Variants in EDA observed in about 807,000 individuals in gnomAD.
The protein encoded by EDA is ectodysplasin-A.
A neutral mutation model predicts 23.6 loss-of-function variants in EDA; 2 were observed. The observed-to-expected ratio is 0.08, with a 90% CI of 0.03 to 0.27. The LOEUF is 0.27. EDA is among the 10% of genes least tolerant of loss of function. The pLI is 1.00. For missense variants in EDA, 229 were observed against 324.2 expected (o/e 0.71, Z 2.26); for synonymous variants, 131 against 132.0 (o/e 0.99, Z 0.05).
Position 69,815,235 on chromosome X carries a change from C to T in EDA, c.397-141792C>T, listed in dbSNP as rs751204194. Among the ~76,000 whole-genome samples the T allele has an allele frequency of 5.9e-4, 66 of 112,103 alleles. 1 individual carries two copies. Among genetic ancestry groups the T allele is most frequent in the Non-Finnish European group, 1.1e-3 (57 of 53,153 alleles). The stretch of plus-strand genomic sequence containing the variant: ...TCCAGCCTGCCGGCTTTGGAGAGTC[C>T]AGATGTTCCAGAGGAGGAGAGGTCC... On this transcript the variant is annotated intron_variant, in intron 1 of 7. Coordinates refer to ENST00000374552, the MANE Select transcript of EDA (RefSeq NM_001399.5).
At chrX:70,026,187 GA>G (rs1451353173) in intron 3 of EDA, among the ~76,000 whole-genome samples, 3 of 112,286 alleles carry the variant, frequency 2.7e-5, no homozygotes, top group Admixed American at 9.4e-5. Flanking sequence ...TTCCATTCCT[GA>G]AACTTTCCAT....
intron 1 of EDA, among the ~76,000 whole-genome samples, chrX:69,670,638 A>G (rs1157425577): frequency 9.2e-6 from 1 of 108,209 alleles, no homozygotes; most frequent in East Asian, 2.9e-4. Context: ...CAAAAAAAAA[A>G]CCACCATCTT....
intron 1 of EDA, among the ~76,000 whole-genome samples, chrX:69,832,376 G>A (rs1238253817): frequency 1.8e-5 from 2 of 111,434 alleles, no homozygotes; most frequent in South Asian, 3.8e-4. Context: ...TGAGGGCTCT[G>A]TTCTGTTCCA....
At chrX:69,977,875 A>C (rs1361250899) in intron 2 of EDA, among the ~76,000 whole-genome samples, 1 of 111,988 alleles carries the variant, frequency 8.9e-6, no homozygotes, top group African/African-American at 3.2e-5. Flanking sequence ...GAGGAAGGAA[A>C]TGACCTAACA....
At chrX:69,729,366 A>C (rs2012934773) in intron 1 of EDA, among the ~76,000 whole-genome samples, 2 of 110,359 alleles carry the variant, frequency 1.8e-5, no homozygotes, top group East Asian at 2.9e-4. Flanking sequence ...CATCAATTAT[A>C]CCCTACTTTT....
intron 1 of EDA, among the ~76,000 whole-genome samples, chrX:69,952,744 C>T (rs766772963): frequency 8.9e-6 from 1 of 111,949 alleles, no homozygotes; most frequent in African/African-American, 3.2e-5. Context: ...TCTCCCTCAA[C>T]TCTCCTCTTC....
intron 1 of EDA, among the ~76,000 whole-genome samples, chrX:69,618,887 T>G (rs1305602086): frequency 8.9e-6 from 1 of 112,430 alleles, no homozygotes; most frequent in Non-Finnish European, 1.9e-5. Flanking sequence ...AAGTTTATCT[T>G]ATCTTGTATA....
chrX:69,926,172 T>C (rs1449175149), intron 1 of EDA, among the ~76,000 whole-genome samples: 1 of 110,573 alleles, frequency 9.0e-6, no homozygotes, highest in Admixed American at 9.7e-5. Context: ...TCTGCTCTGA[T>C]CTTAGTTATT....
At chrX:69,957,411 A>G in intron 2 of EDA, 1 of 273,488 alleles carries the variant, frequency 3.7e-6, no homozygotes, top group African/African-American at 2.8e-5. Context: ...ACTGGGAGGT[A>G]GAGGTTGCAG....
intron 1 of EDA, among the ~76,000 whole-genome samples, chrX:69,664,337 G>A (rs1391026536): frequency 1.8e-5 from 2 of 111,396 alleles, no homozygotes; most frequent in Non-Finnish European, 3.8e-5. Flanking sequence ...GTGAGTTTTC[G>A]TGAGATCTGA....
At chrX:69,883,591 A>G (rs936733192) in intron 1 of EDA, among the ~76,000 whole-genome samples, 2 of 111,607 alleles carry the variant, frequency 1.8e-5, no homozygotes, top group Non-Finnish European at 1.9e-5. Context: ...GTGACTCCCA[A>G]TCTTCCCCAT....
chrX:69,842,722 G>A, intron 1 of EDA, among the ~76,000 whole-genome samples: 1 of 111,642 alleles, frequency 9.0e-6, no homozygotes, highest in Non-Finnish European at 1.9e-5. Context: ...TTGTTCATGG[G>A]GATGGATCCT....
chrX:69,828,472 G>A (rs1000660786), intron 1 of EDA, among the ~76,000 whole-genome samples: 9 of 111,847 alleles, frequency 8.0e-5, no homozygotes, highest in Admixed American at 4.7e-4. Flanking sequence ...TCCAGGTGCC[G>A]TTTGTCACCC....
intron 1 of EDA, among the ~76,000 whole-genome samples, chrX:69,700,745 C>T (rs1302959709): frequency 9.0e-6 from 1 of 110,725 alleles, no homozygotes; most frequent in African/African-American, 3.3e-5. Context: ...GGAAGTATCC[C>T]AAATAGCGGG....
At chrX:69,831,244 C>G (rs1183354079) in intron 1 of EDA, among the ~76,000 whole-genome samples, 2 of 111,340 alleles carry the variant, frequency 1.8e-5, no homozygotes, top group African/African-American at 3.3e-5. Context: ...GTGTGATGTT[C>G]CCCACTCTGT....
At chrX:69,634,620 C>T (rs1001805936) in intron 1 of EDA, among the ~76,000 whole-genome samples, 2 of 111,085 alleles carry the variant, frequency 1.8e-5, no homozygotes, top group Admixed American at 9.6e-5. Flanking sequence ...TGCCCGGCCT[C>T]CTTATTTTTT....
chrX:69,989,991 T>C (rs1225052498), intron 2 of EDA, among the ~76,000 whole-genome samples: 1 of 105,687 alleles, frequency 9.5e-6, no homozygotes, highest in Non-Finnish European at 1.9e-5. Context: ...ATTGAAGCAT[T>C]CTTATGATGG....
At chrX:69,916,747 G>C (rs973928238) in intron 1 of EDA, among the ~76,000 whole-genome samples, 13 of 110,097 alleles carry the variant, frequency 1.2e-4, no homozygotes, top group African/African-American at 4.3e-4. Flanking sequence ...AATTTGAGAA[G>C]CACTGTGTGA....
intron 1 of EDA, among the ~76,000 whole-genome samples, chrX:69,810,218 A>G: frequency 1.3e-5 from 1 of 77,240 alleles, no homozygotes; most frequent in Admixed American, 2.1e-4. Flanking sequence ...AGATCGTGCC[A>G]TTGCACTCCA....
Sources: allele counts gnomAD v4.1 joint callset (sites outside exome capture counted in the v4.1 genomes callset), GRCh38; gene constraint gnomAD v4.1.1; transcripts MANE v1.5; gene names NCBI Gene and HGNC (gene_info 2026-07-23, HGNC 2026-07-21).